The following BRINP3 variants were observed in gnomAD, a reference collection of about 807,000 sequenced individuals.
The protein encoded by BRINP3 is BMP/retinoic acid inducible neural specific 3, also known as BMP/retinoic acid-inducible neural-specific protein 3.
BRINP3 carries 19 observed loss-of-function variants against 71.0 expected under a neutral mutation model. That is an observed-to-expected ratio of 0.27 (90% confidence interval 0.19 to 0.39). The LOEUF (loss-of-function observed/expected upper bound fraction) is 0.39, where lower values mean the gene tolerates loss of function less well. Ranked by LOEUF, BRINP3 falls within the 10% of genes least tolerant of loss-of-function variation. The pLI is 1.00. For synonymous variants in BRINP3, 380 were observed against 337.7 expected, an observed-to-expected ratio of 1.13 and a Z score of -1.37; for missense variants, 959 against 940.8, an observed-to-expected ratio of 1.02 and a Z score of -0.25.
chr1:190,375,707 C>A (rs1381905276), intron 2 of BRINP3, among the ~76,000 whole-genome samples: 1 of 151,900 alleles, frequency 6.6e-6, no homozygotes, highest in Non-Finnish European at 1.5e-5. Flanking sequence ...TACAGTTGTT[C>A]ATACACATGT....
chr1:190,100,440 A>G (rs1182116746), intron 7 of BRINP3, among the ~76,000 whole-genome samples: 1 of 152,288 alleles, frequency 6.6e-6, no homozygotes, highest in African/African-American at 2.4e-5. Flanking sequence ...TTTCATAGCT[A>G]CATAACCTGT....
At chr1:190,370,919 A>G (rs1185089060) in intron 2 of BRINP3, among the ~76,000 whole-genome samples, 2 of 152,180 alleles carry the variant, frequency 1.3e-5, no homozygotes, top group Non-Finnish European at 2.9e-5. Context: ...TTTTAATTTG[A>G]TGATTAATAA....
chr1:190,120,675 T>C (rs1302280961), intron 7 of BRINP3, among the ~76,000 whole-genome samples: 1 of 151,500 alleles, frequency 6.6e-6, no homozygotes, highest in Non-Finnish European at 1.5e-5. Context: ...TTTTTTTTTT[T>C]TGTATTTTTA....
intron 6 of BRINP3, among the ~76,000 whole-genome samples, chr1:190,194,931 C>T (rs1053187212): frequency 6.6e-6 from 1 of 151,956 alleles, no homozygotes; most frequent in African/African-American, 2.4e-5. Flanking sequence ...TCTCCAGTCA[C>T]TTGTTTTGGG....
intron 2 of BRINP3, among the ~76,000 whole-genome samples, chr1:190,303,806 G>A (rs1250780715): frequency 2.0e-5 from 3 of 151,688 alleles, no homozygotes; most frequent in East Asian, 1.9e-4. Context: ...ATTGGAAAAT[G>A]GAAGATGATT....
chr1:190,264,331 G>T (rs12563061), intron 4 of BRINP3, among the ~76,000 whole-genome samples: 1 of 151,918 alleles, frequency 6.6e-6, no homozygotes, highest in East Asian at 1.9e-4. Flanking sequence ...ACCAATTCTA[G>T]ATTATGTTAT....
At chr1:190,200,154 A>G (rs931148269) in intron 6 of BRINP3, among the ~76,000 whole-genome samples, 2 of 152,060 alleles carry the variant, frequency 1.3e-5, no homozygotes, top group African/African-American at 4.8e-5. Context: ...CCTTATTTAT[A>G]TTGGAATTTG....
intron 3 of BRINP3, among the ~76,000 whole-genome samples, chr1:190,279,341 T>G (rs2102929129): frequency 6.6e-6 from 1 of 151,960 alleles, no homozygotes; most frequent in South Asian, 2.1e-4. Context: ...ACTTAAATTA[T>G]ACCACACACT....
chr1:190,258,849 T>C (rs1223488174), intron 4 of BRINP3, among the ~76,000 whole-genome samples: 3 of 152,254 alleles, frequency 2.0e-5, no homozygotes, highest in Admixed American at 1.3e-4. Flanking sequence ...AAGATAAAGC[T>C]GAACAAGGGC....
At chr1:190,245,050 C>A (rs1373886716) in intron 4 of BRINP3, among the ~76,000 whole-genome samples, 2 of 151,928 alleles carry the variant, frequency 1.3e-5, no homozygotes, top group Non-Finnish European at 2.9e-5. Context: ...ACAACTAATA[C>A]CTGTGCACAG....
intron 5 of BRINP3, among the ~76,000 whole-genome samples, chr1:190,233,450 G>A (rs1658201051): frequency 6.6e-6 from 1 of 152,128 alleles, no homozygotes; most frequent in African/African-American, 2.4e-5. Flanking sequence ...CAAAGGGTTA[G>A]GATTGCAGGC....
chr1:190,362,664 G>T lies in BRINP3; in HGVS notation c.237-80914C>A, dbSNP rs531315157. ...GGTGGGAGATAATTAAGTCATGGAGGTTGATTCCCCCATAGTGTTCTCACA... is the reference window on the plus strand; with the variant it reads ...GGTGGGAGATAATTAAGTCATGGAGTTTGATTCCCCCATAGTGTTCTCACA... On this transcript the variant is annotated intron_variant, in intron 2 of 7. Coordinates refer to ENST00000367462, the MANE Select transcript of BRINP3 (RefSeq NM_199051.3). Among the ~76,000 whole-genome samples, 4 of 152,256 alleles carry T rather than the reference G, an allele frequency of 2.6e-5. No homozygotes were observed. In the East Asian group the frequency reaches 7.8e-4, roughly 30 times the overall value.
At chr1:190,350,905 C>A (rs749122292) in intron 2 of BRINP3, among the ~76,000 whole-genome samples, 31 of 151,236 alleles carry the variant, frequency 2.0e-4, no homozygotes, top group Non-Finnish European at 3.1e-4. Flanking sequence ...TCACAGCAAC[C>A]TCCGTCTCCC....
At position 190,417,909 on chromosome 1, in the gene BRINP3, T is replaced by G. The variant is rs201456047; in HGVS notation, c.236+36746A>C. Among the ~76,000 whole-genome samples, 9 of 152,298 alleles carry G rather than the reference T, an allele frequency of 5.9e-5. No individual in the cohort carries two copies. The East Asian group carries it at 1.7e-3, about 29-fold the overall frequency. ...AAGCAAGATGATTGATAGCTATTAT[T>G]CAACTCGATTCTGATCAATTTAAAG... On this transcript the variant is annotated intron_variant, in intron 2 of 7. Transcript: ENST00000367462.
chr1:190,124,767 A>T (rs1653953791), intron 7 of BRINP3, among the ~76,000 whole-genome samples: 2 of 152,192 alleles, frequency 1.3e-5, no homozygotes, highest in Non-Finnish European at 2.9e-5. Flanking sequence ...AAGAACAGGG[A>T]AGGGAGAAGA....
chr1:190,171,194 T>C (rs918055039), intron 6 of BRINP3, among the ~76,000 whole-genome samples: 1 of 152,158 alleles, frequency 6.6e-6, no homozygotes, highest in Non-Finnish European at 1.5e-5. Flanking sequence ...CATAGTTCCC[T>C]GTTTCTTTAT....
intron 2 of BRINP3, among the ~76,000 whole-genome samples, chr1:190,414,562 A>T (rs1672892986): frequency 6.6e-6 from 1 of 152,226 alleles, no homozygotes; most frequent in Admixed American, 6.5e-5. Context: ...CAAGGGCATT[A>T]GATTAGCATA....
At chr1:190,438,293 AATATT>A (rs1313698475) in intron 2 of BRINP3, among the ~76,000 whole-genome samples, 4 of 151,558 alleles carry the variant, frequency 2.6e-5, no homozygotes, top group African/African-American at 9.7e-5. Flanking sequence ...AAATAACTAA[AATATT>A]ATACAAGATA....
At chr1:190,290,317 T>C (rs1339159868) in intron 2 of BRINP3, among the ~76,000 whole-genome samples, 2 of 152,118 alleles carry the variant, frequency 1.3e-5, no homozygotes, top group Non-Finnish European at 2.9e-5. Flanking sequence ...TGTATAGTTG[T>C]GGTACTCCAA....
Sources: gnomAD v4.1 joint callset for allele counts (sites outside exome capture counted in the v4.1 genomes callset) on GRCh38, gnomAD v4.1.1 for gene constraint, MANE v1.5 for transcripts, NCBI Gene and HGNC (gene_info 2026-07-23, HGNC 2026-07-21) for gene names.